The following ZCCHC7 variants were observed in gnomAD, a reference collection of about 807,000 sequenced individuals.
ZCCHC7 encodes the protein zinc finger CCHC domain-containing protein 7.
ZCCHC7 carries 35 observed loss-of-function variants against 52.0 expected under a neutral mutation model. The ratio of observed to expected loss-of-function variants is 0.67; its 90% confidence interval spans 0.51 to 0.89. The LOEUF (loss-of-function observed/expected upper bound fraction) is 0.89. ZCCHC7 is among the 40% of genes least tolerant of loss of function. The pLI, the probability that ZCCHC7 is intolerant of heterozygous loss-of-function variation, is 0.00. For missense variants in ZCCHC7, 574 were observed against 649.1 expected (o/e 0.88, Z 1.26); for synonymous variants, 217 against 221.5 (o/e 0.98, Z 0.18).
intron 2 of ZCCHC7, among the ~76,000 whole-genome samples, chr9:37,227,318 A>T (rs1055829036): frequency 2.6e-5 from 4 of 152,220 alleles, no homozygotes; most frequent in Admixed American, 6.5e-5. Flanking sequence ...TAGATATACT[A>T]AAGGAGATAT....
chr9:37,170,032 C>A (rs922650735), intron 2 of ZCCHC7, among the ~76,000 whole-genome samples: 4 of 151,390 alleles, frequency 2.6e-5, no homozygotes, highest in African/African-American at 9.7e-5. Flanking sequence ...CCACTGCAAT[C>A]CTTGGCTGCA....
intron 2 of ZCCHC7, among the ~76,000 whole-genome samples, chr9:37,141,289 AAG>A (rs1205384242): frequency 6.6e-6 from 1 of 150,578 alleles, no homozygotes; most frequent in Non-Finnish European, 1.5e-5. Context: ...GCTAAAGAAA[AAG>A]GGGAATTTTT....
chr9:37,141,894 A>G (rs2132775502), intron 2 of ZCCHC7, among the ~76,000 whole-genome samples: 1 of 152,002 alleles, frequency 6.6e-6, no homozygotes, highest in Admixed American at 6.6e-5. Flanking sequence ...TTTATAACAT[A>G]ACTTTGTACT....
intron 2 of ZCCHC7, among the ~76,000 whole-genome samples, chr9:37,184,171 A>G (rs77457959): frequency 0.051 from 7,729 of 152,224 alleles, 645 homozygotes; most frequent in African/African-American, 0.17. Flanking sequence ...GTAGTTAAGT[A>G]TTAGTTGAGC....
chr9:37,236,294 A>C (rs1417249644), intron 2 of ZCCHC7, among the ~76,000 whole-genome samples: 4 of 152,168 alleles, frequency 2.6e-5, no homozygotes, highest in African/African-American at 9.7e-5. Context: ...GTATAGAACT[A>C]GATTTCTAGA....
At chr9:37,134,715 G>GT (rs1005259460) in intron 2 of ZCCHC7, among the ~76,000 whole-genome samples, 1 of 151,888 alleles carries the variant, frequency 6.6e-6, no homozygotes, top group African/African-American at 2.4e-5. Flanking sequence ...TTTGTTGGTT[G>GT]TTTTTTGTTG....
In ZCCHC7 at chr9:37,354,900, C is replaced by A; in HGVS notation, c.1198+76C>A. On this transcript the variant is annotated intron_variant, in intron 8 of 8. Transcript: ENST00000336755. This position sits in a 1 kb window ranked among gnomAD's most constrained non-coding sequence, Gnocchi z 4.0. Reference sequence around the variant, plus strand: ...TCTTTGTTTGTACTGTCTTTGCCTGCTTTGGGGGTCATTGGTTAGCATAGA... The same window carrying A: ...TCTTTGTTTGTACTGTCTTTGCCTGATTTGGGGGTCATTGGTTAGCATAGA... 1 of 886,786 alleles carries A rather than the reference C, an allele frequency of 1.1e-6. No homozygotes were observed. Among genetic ancestry groups the A allele is most frequent in the Non-Finnish European group, 1.7e-6 (1 of 573,568 alleles). The allele number at this position is 886,786 out of a possible 1,614,324, so 54.9% of individuals were successfully genotyped here.
At chr9:37,260,105 C>T (rs1207888312) in intron 2 of ZCCHC7, among the ~76,000 whole-genome samples, 2 of 152,198 alleles carry the variant, frequency 1.3e-5, no homozygotes, top group African/African-American at 4.8e-5. Flanking sequence ...AATATGCTGA[C>T]AAAGGTTTTA....
At position 37,357,364 on chromosome 9, in the gene ZCCHC7, A is replaced by C; in HGVS notation, c.*96A>C. The C allele has an allele frequency of 8.0e-7, 1 of 1,255,506 alleles. No homozygotes were observed. Among genetic ancestry groups the C allele is most frequent in the Non-Finnish European group, 1.1e-6 (1 of 935,342 alleles). 77.8% of individuals were successfully genotyped at this position (1,255,506 alleles called of 1,614,324 possible). A position where few individuals can be genotyped will look rare whatever the true frequency, so the allele number is the denominator to read the frequency against. The stretch of plus-strand genomic sequence containing the variant: ...GTGTTTATTATCTATGATTAAATAA[A>C]GTGAGTTTTTGGTTTTGTTTTTTTA... On this transcript the variant is annotated 3_prime_UTR_variant, in exon 9 of 9. Coordinates refer to ENST00000336755, the MANE Select transcript of ZCCHC7 (RefSeq NM_032226.3).
intron 6 of ZCCHC7, among the ~76,000 whole-genome samples, chr9:37,336,380 T>A (rs1830660184): frequency 6.6e-6 from 1 of 152,314 alleles, no homozygotes; most frequent in African/African-American, 2.4e-5. Flanking sequence ...GAACATATTG[T>A]AAAAGCAAAA....
intron 6 of ZCCHC7, among the ~76,000 whole-genome samples, chr9:37,336,355 G>A (rs546543876): frequency 6.6e-6 from 1 of 152,244 alleles, no homozygotes; most frequent in Admixed American, 6.5e-5. Context: ...TTTAAGACAA[G>A]CAAAGGCTCA....
chr9:37,145,265 GA>G (rs1420848412), intron 2 of ZCCHC7, among the ~76,000 whole-genome samples: 6 of 151,948 alleles, frequency 3.9e-5, no homozygotes, highest in African/African-American at 1.4e-4. Context: ...GGACCATGTT[GA>G]AAATTGGCAA....
intron 6 of ZCCHC7, among the ~76,000 whole-genome samples, chr9:37,346,008 G>A (rs1588702158): frequency 6.6e-6 from 1 of 152,044 alleles, no homozygotes; most frequent in South Asian, 2.1e-4. Flanking sequence ...TTGCGTTTGG[G>A]TTTTGTTTTT....
Position 37,230,896 on chromosome 9 carries a change from T to G in ZCCHC7, c.611-71292T>G, listed in dbSNP as rs973423859. ...TATTTAAATTACTCTAGACTTTTTT[T>G]TACACCACTTACAAACGTCCTTTTG... On this transcript the variant is annotated intron_variant, in intron 2 of 8. Transcript: ENST00000336755. 4.6e-5 allele frequency among the ~76,000 whole-genome samples: 7 copies of G among 152,202 alleles called. No individual in the cohort carries two copies. In the South Asian group the frequency reaches 1.2e-3, roughly 27 times the overall value.
intron 2 of ZCCHC7, among the ~76,000 whole-genome samples, chr9:37,143,490 C>G (rs1451831722): frequency 6.7e-6 from 1 of 150,066 alleles, no homozygotes; most frequent in Non-Finnish European, 1.5e-5. Flanking sequence ...TCTCGGTGTT[C>G]TAGTAGATAG....
chr9:37,121,344 G>A (rs1345876950), intron 1 of ZCCHC7, among the ~76,000 whole-genome samples: 1 of 152,184 alleles, frequency 6.6e-6, no homozygotes, highest in Admixed American at 6.5e-5. Context: ...TGAATTACGG[G>A]CTGCATTAGT....
intron 8 of ZCCHC7, among the ~76,000 whole-genome samples, chr9:37,355,165 A>G (rs1821619833): frequency 6.6e-6 from 1 of 152,050 alleles, no homozygotes; most frequent in East Asian, 1.9e-4. Context: ...GTATTTCTCC[A>G]GTATTTTTTT....
At chr9:37,280,556 A>G (rs1827905116) in intron 2 of ZCCHC7, among the ~76,000 whole-genome samples, 2 of 152,208 alleles carry the variant, frequency 1.3e-5, no homozygotes, top group Admixed American at 6.5e-5. Flanking sequence ...TTAGAAATCA[A>G]TAACAAAAAA....
chr9:37,223,251 T>C (rs1331741455), intron 2 of ZCCHC7, among the ~76,000 whole-genome samples: 1 of 152,164 alleles, frequency 6.6e-6, no homozygotes. Context: ...CCGTGTCTAT[T>C]AAAAGATGCA....
Sources: allele counts gnomAD v4.1 joint callset (sites outside exome capture counted in the v4.1 genomes callset), GRCh38; gene constraint gnomAD v4.1.1; non-coding constraint Gnocchi (gnomAD v3.1); transcripts MANE v1.5; gene names NCBI Gene and HGNC (gene_info 2026-07-23, HGNC 2026-07-21).